Variants in CREB3L2 observed in about 807,000 individuals in gnomAD.
CREB3L2 encodes the protein cyclic AMP-responsive element-binding protein 3-like protein 2.
Under a neutral mutation model 57.2 loss-of-function variants are expected in CREB3L2, and 23 were observed. That is an observed-to-expected ratio of 0.40 (90% CI 0.29 to 0.57). The LOEUF (loss-of-function observed/expected upper bound fraction) is 0.57, where lower values mean the gene tolerates loss of function less well. Among genes scored for constraint, CREB3L2 ranks in the 20% least tolerant of loss-of-function variants. The pLI is 0.42. For synonymous variants in CREB3L2, 268 were observed against 265.1 expected (o/e 1.01, Z -0.11); for missense variants, 628 against 634.7 (o/e 0.99, Z 0.11).
chr7:137,978,661 A>T (rs1245701525), intron 1 of CREB3L2, among the ~76,000 whole-genome samples: 4 of 152,222 alleles, frequency 2.6e-5, no homozygotes, highest in African/African-American at 9.6e-5. Context: ...GGGGTCAAGA[A>T]GCTGAGTGAC....
rs973994520 is a variant in CREB3L2, at chr7:137,879,619, C to G, written c.*857G>C. 19 of 246,504 alleles carry G rather than the reference C, an allele frequency of 7.7e-5. No homozygotes were observed. The highest frequency in any genetic ancestry group is 6.8e-4 in the Admixed American group (13 of 19,116). 15.3% of individuals were successfully genotyped at this position (246,504 alleles called of 1,614,324 possible). On this transcript the variant is annotated 3_prime_UTR_variant, in exon 12 of 12. Coordinates refer to ENST00000330387, the MANE Select transcript of CREB3L2 (RefSeq NM_194071.4). ...AAACAAAACATTGTCTGGAAAGACACGGGATCCCAGAGCCTAGGGTGCCCT... is the reference window on the plus strand; with the variant it reads ...AAACAAAACATTGTCTGGAAAGACAGGGGATCCCAGAGCCTAGGGTGCCCT...
chr7:137,883,128 C>T (rs1216599246), intron 10 of CREB3L2, among the ~76,000 whole-genome samples: 1 of 152,212 alleles, frequency 6.6e-6, no homozygotes, highest in Non-Finnish European at 1.5e-5. Flanking sequence ...TTTTGTAGGA[C>T]AGTCACACAG....
rs553643498 is a variant in CREB3L2, at chr7:137,988,125, T to C, written c.102+13479A>G. ...CCCACCTCTGTCCTCAGTACTCACA[T>C]GCCCGACCTCAGGCCCAGCTGAAGG... On this transcript the variant is annotated intron_variant, in intron 1 of 11. Coordinates refer to ENST00000330387, the MANE Select transcript of CREB3L2 (RefSeq NM_194071.4). 7.2e-5 allele frequency among the ~76,000 whole-genome samples: 11 copies of C among 152,226 alleles called. 1 individual carries two copies. The highest frequency in any genetic ancestry group is 1.6e-4 in the Non-Finnish European group (11 of 68,042).
At chr7:137,905,602 T>A in intron 6 of CREB3L2, 100 bp downstream of exon 6, 21 of 1,284,358 alleles carry the variant, frequency 1.6e-5, no homozygotes, top group Middle Eastern at 1.9e-4. Context: ...GTCTCCACCA[T>A]GGGATGGGGT....
rs542326810 is a variant in CREB3L2 at position 137,876,516 on chromosome 7, TA to T, written c.*3959del. 83 of 232,950 alleles carry T rather than the reference TA, an allele frequency of 3.6e-4. No homozygotes were observed. In the South Asian group the frequency reaches 4.3e-3, roughly 12 times the overall value. The allele number at this position is 232,950 out of a possible 1,614,324, so 14.4% of individuals were successfully genotyped here. On this transcript the variant is annotated 3_prime_UTR_variant, in exon 12 of 12. Transcript: ENST00000330387. ...TTATGAAACTGAAAAGTCTTAGGAG[TA>T]ACTGAATGAGTGAGTGAATGAACGA...
At chr7:137,973,983 G>C (rs1422210588) in intron 1 of CREB3L2, among the ~76,000 whole-genome samples, 1 of 151,912 alleles carries the variant, frequency 6.6e-6, no homozygotes, top group African/African-American at 2.4e-5. Flanking sequence ...TGATGGCACA[G>C]GGAACCTATC....
chr7:137,938,025 G>T (rs1236754531), intron 1 of CREB3L2, among the ~76,000 whole-genome samples: 2 of 152,132 alleles, frequency 1.3e-5, no homozygotes, highest in Non-Finnish European at 2.9e-5. Flanking sequence ...CCTGGGAGAA[G>T]GAGGAATAAA....
chr7:137,979,522 G>A lies in CREB3L2; in HGVS notation c.102+22082C>T, dbSNP rs566213887. Among the ~76,000 whole-genome samples the A allele has an allele frequency of 2.3e-3, 346 of 152,190 alleles. 3 individuals carry two copies. The highest frequency in any genetic ancestry group is 7.6e-3 in the African/African-American group (314 of 41,520). The stretch of plus-strand genomic sequence containing the variant: ...GGGCGGATCACGAGGTCAGGAGATC[G>A]AGACCATCCTGGCTAACATGGTGAA... On this transcript the variant is annotated intron_variant, in intron 1 of 11. Coordinates refer to ENST00000330387, the MANE Select transcript of CREB3L2 (RefSeq NM_194071.4).
intron 2 of CREB3L2, among the ~76,000 whole-genome samples, chr7:137,926,820 A>T (rs273945): frequency 1.3e-5 from 2 of 152,076 alleles, no homozygotes; most frequent in East Asian, 1.9e-4. Flanking sequence ...GTACTAAAAT[A>T]GCTGGCTATC....
At chr7:137,928,661 G>T (rs1408494377) in intron 1 of CREB3L2, among the ~76,000 whole-genome samples, 1 of 152,152 alleles carries the variant, frequency 6.6e-6, no homozygotes, top group Non-Finnish European at 1.5e-5. Context: ...GAGTGTGCTG[G>T]GCTGGGACCC....
At chr7:137,912,303 G>T (rs2117214355) in intron 4 of CREB3L2, among the ~76,000 whole-genome samples, 1 of 151,882 alleles carries the variant, frequency 6.6e-6, no homozygotes. Context: ...CTTGAACCTG[G>T]GAGGCAGAGG....
At chr7:137,928,406 C>T in intron 1 of CREB3L2, 40 bp from the exon 2 acceptor site, 2 of 1,531,636 alleles carry the variant, frequency 1.3e-6, no homozygotes, top group African/African-American at 1.4e-5. Flanking sequence ...TTTCTCTTAA[C>T]CATAATGTGA....
At chr7:137,929,754 A>T (rs1585636171) in intron 1 of CREB3L2, among the ~76,000 whole-genome samples, 1 of 150,022 alleles carries the variant, frequency 6.7e-6, no homozygotes, top group South Asian at 2.1e-4. Flanking sequence ...CTGTAATCCC[A>T]GCTACTCGGG....
At chr7:137,959,808 G>A (rs141629945) in intron 1 of CREB3L2, among the ~76,000 whole-genome samples, 26 of 152,352 alleles carry the variant, frequency 1.7e-4, no homozygotes, top group East Asian at 1.2e-3. Flanking sequence ...GGCGAGGAAA[G>A]TACGTGCAAT....
rs1362765435 is a variant in CREB3L2, at chr7:137,982,611, C to T, written c.102+18993G>A. Among the ~76,000 whole-genome samples the T allele has an allele frequency of 3.3e-5, 5 of 152,146 alleles. No homozygotes were observed. The East Asian group carries it at 9.6e-4, about 29-fold the overall frequency. On this transcript the variant is annotated intron_variant, in intron 1 of 11. Coordinates refer to ENST00000330387, the MANE Select transcript of CREB3L2 (RefSeq NM_194071.4). The stretch of plus-strand genomic sequence containing the variant: ...CTTGCACAAGCTCTCTCTTGCTTGC[C>T]ACCATGTAAGATGTGCCTTTCACCT...
chr7:137,929,309 T>A (rs936772078), intron 1 of CREB3L2, among the ~76,000 whole-genome samples: 6 of 152,122 alleles, frequency 3.9e-5, no homozygotes, highest in Admixed American at 3.3e-4. Flanking sequence ...GGTATGAGGA[T>A]CTTCAGAGCA....
chr7:137,901,772 G>A (rs531719201), intron 7 of CREB3L2, among the ~76,000 whole-genome samples: 19 of 150,604 alleles, frequency 1.3e-4, no homozygotes, highest in Admixed American at 1.1e-3. Context: ...CCAGCTACTC[G>A]GGAGGCTGAG....
chr7:138,001,462 T>C lies in CREB3L2; in HGVS notation c.102+142A>G. The C allele has an allele frequency of 8.2e-6, 5 of 606,224 alleles. No homozygotes were observed. The allele number at this position is 606,224 out of a possible 1,614,324, so 37.6% of individuals were successfully genotyped here. The stretch of plus-strand genomic sequence containing the variant: ...GCCTTCATCTGCTCAGACATTAAAG[T>C]ACACCTCGCCCAGGACCTCTTGATT... On this transcript the variant is annotated intron_variant, in intron 1 of 11. Coordinates refer to ENST00000330387, the MANE Select transcript of CREB3L2 (RefSeq NM_194071.4). This position sits in a 1 kb window ranked among gnomAD's most constrained non-coding sequence, Gnocchi z 4.2.
At chr7:137,911,769 T>C (rs1800010682) in intron 4 of CREB3L2, among the ~76,000 whole-genome samples, 2 of 151,952 alleles carry the variant, frequency 1.3e-5, no homozygotes, top group Non-Finnish European at 2.9e-5. Flanking sequence ...ACCCATGAGG[T>C]TGAGGTTGCC....
Sources: gnomAD v4.1 joint callset for allele counts (sites outside exome capture counted in the v4.1 genomes callset) on GRCh38, gnomAD v4.1.1 for gene constraint, Gnocchi (gnomAD v3.1) non-coding constraint, MANE v1.5 for transcripts, NCBI Gene and HGNC (gene_info 2026-07-23, HGNC 2026-07-21) for gene names.